MAPRE2: variants seen among roughly 807,000 people sequenced by gnomAD.
MAPRE2 encodes microtubule-associated protein RP/EB family member 2.
Under a neutral mutation model 43.2 loss-of-function variants are expected in MAPRE2, and 13 were observed. The observed-to-expected ratio is 0.30, with a 90% CI of 0.20 to 0.48. The LOEUF (loss-of-function observed/expected upper bound fraction) is 0.48. Among genes scored for constraint, MAPRE2 ranks in the 20% least tolerant of loss-of-function variants. The pLI, the probability that MAPRE2 is intolerant of heterozygous loss-of-function variation, is 0.99. For missense variants in MAPRE2, 161 were observed against 400.2 expected (o/e 0.40, Z 5.10); for synonymous variants, 135 against 148.8 (o/e 0.91, Z 0.68).
chr18:34,991,803 G>A (rs924643903), intron 1 of MAPRE2, among the ~76,000 whole-genome samples: 4 of 152,136 alleles, frequency 2.6e-5, no homozygotes, highest in Admixed American at 6.6e-5. Context: ...GCAATCTGAC[G>A]CAGGTAAGCC....
At chr18:35,089,362 GA>G (rs1217166657) in intron 2 of MAPRE2, among the ~76,000 whole-genome samples, 1 of 151,966 alleles carries the variant, frequency 6.6e-6, no homozygotes, top group Non-Finnish European at 1.5e-5. Flanking sequence ...TCAAGAAAGT[GA>G]AAAAACAGTC....
At chr18:34,983,435 T>C (rs1284398471) in intron 1 of MAPRE2, among the ~76,000 whole-genome samples, 2 of 152,164 alleles carry the variant, frequency 1.3e-5, no homozygotes, top group Non-Finnish European at 2.9e-5. Context: ...ATGTGAACAC[T>C]TGCCTTAACT....
chr18:35,022,037 T>C (rs2097042249), intron 2 of MAPRE2, among the ~76,000 whole-genome samples: 1 of 152,174 alleles, frequency 6.6e-6, no homozygotes, highest in African/African-American at 2.4e-5. Flanking sequence ...AGTGGAACCA[T>C]GCTTTCAAAG....
chr18:35,001,273 A>G (rs1240275687), intron 1 of MAPRE2, among the ~76,000 whole-genome samples: 2 of 152,174 alleles, frequency 1.3e-5, no homozygotes, highest in African/African-American at 4.8e-5. Context: ...GCACTTTGGG[A>G]GGCCGAGGCA....
chr18:35,136,861 T>C (rs957952150), intron 6 of MAPRE2, among the ~76,000 whole-genome samples: 3 of 152,232 alleles, frequency 2.0e-5, no homozygotes, highest in African/African-American at 4.8e-5. Flanking sequence ...ATGATAGTTT[T>C]CTTACAATCA....
chr18:35,080,373 A>G (rs970568110), intron 2 of MAPRE2, among the ~76,000 whole-genome samples: 2 of 152,214 alleles, frequency 1.3e-5, no homozygotes, highest in Non-Finnish European at 1.5e-5. Context: ...CTTTACTACC[A>G]AAGTTCTCCC....
chr18:35,127,256 G>A, intron 5 of MAPRE2, 169 bp downstream of exon 5: 1 of 642,586 alleles, frequency 1.6e-6, no homozygotes, highest in Admixed American at 3.0e-5. Flanking sequence ...AGTAGCCCAT[G>A]ATGAATAAAA....
At chr18:34,997,480 T>C (rs1012904906) in intron 1 of MAPRE2, among the ~76,000 whole-genome samples, 1 of 152,046 alleles carries the variant, frequency 6.6e-6, no homozygotes, top group African/African-American at 2.4e-5. Context: ...AGCAGCTAAC[T>C]AAAAGGCAAG....
chr18:35,113,376 T>G (rs555221182), intron 4 of MAPRE2, among the ~76,000 whole-genome samples: 1 of 152,234 alleles, frequency 6.6e-6, no homozygotes, highest in African/African-American at 2.4e-5. Context: ...CTTTGCTTAC[T>G]GAGGTAGCAT....
chr18:35,097,700 A>G (rs1317738092), intron 3 of MAPRE2, 109 bp downstream of exon 3: 2 of 920,846 alleles, frequency 2.2e-6, no homozygotes, highest in African/African-American at 1.7e-5. Flanking sequence ...TGATATCCCA[A>G]CAGTAGGCTG....
chr18:35,124,885 C>T (rs192857384), intron 4 of MAPRE2, among the ~76,000 whole-genome samples: 2 of 152,152 alleles, frequency 1.3e-5, no homozygotes, highest in Admixed American at 6.5e-5. Context: ...AGAACTTGGT[C>T]AGCGGGACAT....
chr18:35,137,838 A>C (rs2120328), intron 6 of MAPRE2, among the ~76,000 whole-genome samples: 3,680 of 152,282 alleles, frequency 0.024, 140 homozygotes, highest in African/African-American at 0.084. Flanking sequence ...GGCTGCAGGC[A>C]GTGAGAGAGG....
At chr18:35,057,595 A>T (rs1603395612) in intron 1 of MAPRE2, among the ~76,000 whole-genome samples, 1 of 151,938 alleles carries the variant, frequency 6.6e-6, no homozygotes, top group East Asian at 1.9e-4. Context: ...TTCATTCTTC[A>T]TTCCAGTAAA....
chr18:35,062,792 C>G (rs2150615964), intron 1 of MAPRE2, among the ~76,000 whole-genome samples: 1 of 152,270 alleles, frequency 6.6e-6, no homozygotes, highest in South Asian at 2.1e-4. Context: ...ATTCAGAAAT[C>G]ATTATATGCT....
At chr18:35,098,310 AT>A (rs1184721490) in intron 3 of MAPRE2, among the ~76,000 whole-genome samples, 3 of 152,206 alleles carry the variant, frequency 2.0e-5, no homozygotes, top group Non-Finnish European at 4.4e-5. Context: ...AAAGAAATGA[AT>A]TTTGAATAAG....
At chr18:35,100,869 GTC>G (rs1314582680) in intron 3 of MAPRE2, among the ~76,000 whole-genome samples, 1 of 151,954 alleles carries the variant, frequency 6.6e-6, no homozygotes, top group African/African-American at 2.4e-5. Context: ...GTGAAACCCC[GTC>G]TCTACTAATA....
At chr18:34,978,564 T>C (rs541656388) in intron 1 of MAPRE2, 12 of 1,551,144 alleles carry the variant, frequency 7.7e-6, no homozygotes, top group Non-Finnish European at 1.0e-5. Context: ...ATGGCAACAT[T>C]TCCCCTGCTT....
chr18:35,096,815 GTAATACTTAA>G (rs1163277634), intron 2 of MAPRE2, among the ~76,000 whole-genome samples: 3 of 146,900 alleles, frequency 2.0e-5, no homozygotes, highest in Admixed American at 6.7e-5. Flanking sequence ...TACTTAATAA[GTAATACTTAA>G]TAAGTAATAC....
In MAPRE2 at chr18:35,096,028, GC is replaced by G. The variant is rs557667315; in HGVS notation, c.251-1414del. On this transcript the variant is annotated intron_variant, in intron 2 of 6. Coordinates refer to ENST00000300249, the MANE Select transcript of MAPRE2 (RefSeq NM_014268.4). ...CGCTCTTACCTACAAAATAGGAGTT[GC>G]CCCAGCATTTCATGTTTTAACAACC... is the stretch of plus-strand genomic sequence containing the variant. Among the ~76,000 whole-genome samples, 13 of 152,246 alleles carry G rather than the reference GC, an allele frequency of 8.5e-5. No homozygotes were observed. In the South Asian group the frequency reaches 2.5e-3, roughly 29 times the overall value.
Sources: allele counts gnomAD v4.1 joint callset (sites outside exome capture counted in the v4.1 genomes callset), GRCh38; gene constraint gnomAD v4.1.1; transcripts MANE v1.5; gene names NCBI Gene and HGNC (gene_info 2026-07-23, HGNC 2026-07-21).